Variants in NALF1 observed in about 807,000 individuals in gnomAD.
NALF1 encodes family with sequence similarity 155 member A.
In NALF1, 3 loss-of-function variants were observed where a neutral mutation model predicts 48.4. The ratio of observed to expected loss-of-function variants is 0.06; its 90% CI spans 0.03 to 0.16. The LOEUF (loss-of-function observed/expected upper bound fraction) is 0.16, where lower values mean the gene tolerates loss of function less well. Among genes scored for constraint, NALF1 ranks in the 10% least tolerant of loss-of-function variants. The pLI, the probability that NALF1 is intolerant of heterozygous loss-of-function variation, is 1.00. For missense variants in NALF1, 526 were observed against 571.5 expected (o/e 0.92, Z 0.81); for synonymous variants, 262 against 245.7 (o/e 1.07, Z -0.62).
intron 1 of NALF1, among the ~76,000 whole-genome samples, chr13:107,353,960 T>C (rs1370563732): frequency 6.6e-6 from 1 of 152,138 alleles, no homozygotes; most frequent in African/African-American, 2.4e-5. Flanking sequence ...TGCTGAACAT[T>C]TATTGGTAGT....
At chr13:107,774,141 T>C (rs922882456) in intron 1 of NALF1, among the ~76,000 whole-genome samples, 1 of 152,200 alleles carries the variant, frequency 6.6e-6, no homozygotes, top group Admixed American at 6.5e-5. Context: ...TCTCTTGATA[T>C]TTCCAATGGA....
chr13:107,328,794 C>T (rs1284947017), intron 1 of NALF1, among the ~76,000 whole-genome samples: 1 of 152,186 alleles, frequency 6.6e-6, no homozygotes, highest in Non-Finnish European at 1.5e-5. Context: ...CTTAGGGTCT[C>T]CAGGCTCAAC....
At chr13:107,261,856 A>T (rs1880934204) in intron 1 of NALF1, among the ~76,000 whole-genome samples, 1 of 152,118 alleles carries the variant, frequency 6.6e-6, no homozygotes, top group Admixed American at 6.5e-5. Context: ...TTAGAAAGGA[A>T]TCTTTACTAT....
chr13:107,511,821 G>C (rs1388439442), intron 1 of NALF1, among the ~76,000 whole-genome samples: 1 of 152,160 alleles, frequency 6.6e-6, no homozygotes, highest in Non-Finnish European at 1.5e-5. Context: ...AAGTATTGCT[G>C]TTTCAACATT....
rs550671277 is a variant in NALF1, at chr13:107,342,013, T to C, written c.916-131258A>G. Among the ~76,000 whole-genome samples, 6 of 152,238 alleles carry C rather than the reference T, an allele frequency of 3.9e-5. No individual in the cohort carries two copies. In the South Asian group the frequency reaches 1.2e-3, roughly 32 times the overall value. On this transcript the variant is annotated intron_variant, in intron 1 of 2. Transcript: ENST00000375915. ...AGGGTTCAATATGTAGCTAAGGATATAACTCTATTAGCAAAACAACTAGAC... is the reference window on the plus strand; with the variant it reads ...AGGGTTCAATATGTAGCTAAGGATACAACTCTATTAGCAAAACAACTAGAC...
intron 1 of NALF1, among the ~76,000 whole-genome samples, chr13:107,547,666 G>A (rs4772883): frequency 0.42 from 63,550 of 151,894 alleles, 13,700 homozygotes; most frequent in East Asian, 0.52. Context: ...TATGCTCCTG[G>A]CTCACACACA....
At chr13:107,486,210 A>T (rs1189863873) in intron 1 of NALF1, among the ~76,000 whole-genome samples, 2 of 152,178 alleles carry the variant, frequency 1.3e-5, no homozygotes, top group Non-Finnish European at 2.9e-5. Context: ...GATTGCACAC[A>T]CACAGGATAT....
intron 1 of NALF1, among the ~76,000 whole-genome samples, chr13:107,744,593 T>G (rs1203909208): frequency 4.6e-5 from 7 of 152,208 alleles, no homozygotes; most frequent in Admixed American, 4.6e-4. Flanking sequence ...AATCATGTGA[T>G]TTACGCTCCT....
intron 1 of NALF1, among the ~76,000 whole-genome samples, chr13:107,276,343 C>A (rs1468369526): frequency 6.6e-6 from 1 of 152,240 alleles, no homozygotes; most frequent in Non-Finnish European, 1.5e-5. Context: ...TTTCTGATGT[C>A]CAGAATAGCT....
chr13:107,233,042 G>A (rs1035380776), intron 1 of NALF1, among the ~76,000 whole-genome samples: 4 of 152,170 alleles, frequency 2.6e-5, no homozygotes, highest in Non-Finnish European at 4.4e-5. Flanking sequence ...TTTTCTGACC[G>A]GCTGTACTGC....
rs567997323 is a variant in NALF1, at chr13:107,287,769, A to G, written c.916-77014T>C. ...CGCCCAGGCTGGAGTGCAGTGGCAC[A>G]ATCTCAGTTCACCACAACCTCCACC... On this transcript the variant is annotated intron_variant, in intron 1 of 2. Coordinates refer to ENST00000375915, the MANE Select transcript of NALF1 (RefSeq NM_001080396.3). 3.4e-4 allele frequency among the ~76,000 whole-genome samples: 49 copies of G among 144,992 alleles called. 1 individual carries two copies. In the South Asian group the frequency reaches 0.011, roughly 32 times the overall value.
chr13:107,756,862 G>C (rs1232101797), intron 1 of NALF1, among the ~76,000 whole-genome samples: 1 of 152,120 alleles, frequency 6.6e-6, no homozygotes, highest in Non-Finnish European at 1.5e-5. Flanking sequence ...ACATAGAAAA[G>C]TTTAAGGATA....
At chr13:107,695,160 C>G (rs752924263) in intron 1 of NALF1, among the ~76,000 whole-genome samples, 48 of 152,102 alleles carry the variant, frequency 3.2e-4, no homozygotes, top group Non-Finnish European at 1.5e-4. Flanking sequence ...TCCTTACCCT[C>G]TAAGCCTCAG....
chr13:107,359,632 C>T (rs1883026067), intron 1 of NALF1, among the ~76,000 whole-genome samples: 1 of 151,210 alleles, frequency 6.6e-6, no homozygotes, highest in Non-Finnish European at 1.5e-5. Flanking sequence ...CTCTTCCTTC[C>T]TTCCTTTTGC....
intron 1 of NALF1, among the ~76,000 whole-genome samples, chr13:107,854,799 G>A (rs575911312): frequency 2.7e-4 from 41 of 151,328 alleles, no homozygotes; most frequent in African/African-American, 9.7e-4. Flanking sequence ...GCTTGAACCC[G>A]GGAGGCGGCG....
intron 1 of NALF1, among the ~76,000 whole-genome samples, chr13:107,689,327 C>A (rs535976457): frequency 6.6e-6 from 1 of 152,060 alleles, no homozygotes; most frequent in African/African-American, 2.4e-5. Context: ...CTACTGACTA[C>A]GTTTTATGAC....
rs1192723639 is a variant in NALF1 at position 107,429,332 on chromosome 13, A to AG, written c.916-218578_916-218577insC. ...AGTAAAACTCAGTCTGAAAAAAAAAAAAAAGATTAGAAAGCAGTCAAAATA... is the reference window on the plus strand; with the variant it reads ...AGTAAAACTCAGTCTGAAAAAAAAAAGAAAAGATTAGAAAGCAGTCAAAATA... On this transcript the variant is annotated intron_variant, in intron 1 of 2. Coordinates refer to ENST00000375915, the MANE Select transcript of NALF1 (RefSeq NM_001080396.3). Among the ~76,000 whole-genome samples the AG allele has an allele frequency of 2.0e-5, 3 of 152,062 alleles. No homozygotes were observed. In the East Asian group the frequency reaches 5.8e-4, roughly 29 times the overall value.
Position 107,743,179 on chromosome 13 carries a change from T to G in NALF1, c.915+122503A>C, listed in dbSNP as rs1876686712. 2.0e-5 allele frequency among the ~76,000 whole-genome samples: 3 copies of G among 152,192 alleles called. No homozygotes were observed. The South Asian group carries it at 6.2e-4, about 31-fold the overall frequency. Reference sequence around the variant, plus strand: ...GGGAGGCTAGGAGGTCTTACAGAGATTCCCAAAGAGATTGAGTCTCAAGTT... The same window carrying G: ...GGGAGGCTAGGAGGTCTTACAGAGAGTCCCAAAGAGATTGAGTCTCAAGTT... On this transcript the variant is annotated intron_variant, in intron 1 of 2. Coordinates refer to ENST00000375915, the MANE Select transcript of NALF1 (RefSeq NM_001080396.3).
At chr13:107,633,613 T>G (rs1879889418) in intron 1 of NALF1, among the ~76,000 whole-genome samples, 1 of 151,744 alleles carries the variant, frequency 6.6e-6, no homozygotes, top group Non-Finnish European at 1.5e-5. Context: ...CGTATAAACT[T>G]ATTTTCTCTT....
Sources: gnomAD v4.1 joint callset for allele counts (sites outside exome capture counted in the v4.1 genomes callset) on GRCh38, gnomAD v4.1.1 for gene constraint, MANE v1.5 for transcripts, NCBI Gene and HGNC (gene_info 2026-07-23, HGNC 2026-07-21) for gene names.